Variants in FAT2 observed in about 807,000 individuals in gnomAD.
FAT2 encodes FAT atypical cadherin 2.
In FAT2, 150 loss-of-function variants were observed where a neutral mutation model predicts 295.3. The observed-to-expected ratio is 0.51, with a 90% CI of 0.44 to 0.58. FAT2 has a LOEUF of 0.58. Ranked by LOEUF, FAT2 falls within the 20% of genes least tolerant of loss-of-function variation. The pLI is 0.00. For synonymous variants in FAT2, 2,026 were observed against 2,150.3 expected (o/e 0.94, Z 1.60); for missense variants, 4,868 against 5,442.7 (o/e 0.89, Z 3.32).
chr5:151,583,068 G>T (rs549274053), intron 1 of FAT2, among the ~76,000 whole-genome samples: 51 of 152,230 alleles, frequency 3.4e-4, no homozygotes, highest in African/African-American at 1.2e-3. Flanking sequence ...TCTTCCTGAG[G>T]TCTTTCTATC....
intron 1 of FAT2, among the ~76,000 whole-genome samples, chr5:151,585,859 G>T (rs1286742517): frequency 2.0e-5 from 3 of 152,170 alleles, no homozygotes; most frequent in Non-Finnish European, 4.4e-5. Flanking sequence ...CTCTTAGCTT[G>T]TGCCGACTAT....
chr5:151,517,869 G>T, intron 19 of FAT2, 104 bp from the exon 20 acceptor site: 1 of 1,392,492 alleles, frequency 7.2e-7, no homozygotes, highest in Non-Finnish European at 9.9e-7. Context: ...CAGAATCATT[G>T]CTCATATTTT....
intron 1 of FAT2, among the ~76,000 whole-genome samples, chr5:151,574,565 G>A (rs779095677): frequency 6.6e-6 from 1 of 152,148 alleles, no homozygotes; most frequent in Non-Finnish European, 1.5e-5. Context: ...TTAGTAGTAG[G>A]GAGTGATTGA....
chr5:151,508,093 A>T (rs1761037998), intron 22 of FAT2, among the ~76,000 whole-genome samples: 2 of 152,298 alleles, frequency 1.3e-5, no homozygotes, highest in South Asian at 4.1e-4. Context: ...ACTTGCTCAG[A>T]GAAAGCATGC....
At position 151,507,623 on chromosome 5, in the gene FAT2, G is replaced by GAGT. The variant is rs1554122170; in HGVS notation, c.12060-15_12060-13dup. 1.3e-6 allele frequency: 2 copies of GAGT among 1,589,870 alleles called. No individual in the cohort carries two copies. Among genetic ancestry groups the GAGT allele is most frequent in the Admixed American group, 3.4e-5 (2 of 58,006 alleles). ...CCTCCATTTCACACCTGCGGAGACAGAGTAGTCAGGGGGCCAAGTCATGAA... is the reference window on the plus strand; with the variant it reads ...CCTCCATTTCACACCTGCGGAGACAGAGTAGTAGTCAGGGGGCCAAGTCATGAA... On this transcript the variant is annotated splice_polypyrimidine_tract_variant and intron_variant, in intron 22 of 23. Coordinates refer to ENST00000261800, the MANE Select transcript of FAT2 (RefSeq NM_001447.3).
At chr5:151,540,174 G>C (rs767770446) in intron 11 of FAT2, among the ~76,000 whole-genome samples, 2 of 152,326 alleles carry the variant, frequency 1.3e-5, no homozygotes, top group Middle Eastern at 3.4e-3. Flanking sequence ...GGGAATGTAG[G>C]GGGAGAGATG....
intron 17 of FAT2, among the ~76,000 whole-genome samples, chr5:151,526,472 C>T (rs1400596534): frequency 6.6e-6 from 1 of 152,142 alleles, no homozygotes; most frequent in Non-Finnish European, 1.5e-5. Context: ...TCATTTTAGC[C>T]TTTGTTGTAT....
intron 4 of FAT2, 57 bp from the exon 5 acceptor site, chr5:151,554,730 G>A (rs2127632107): frequency 7.5e-7 from 1 of 1,337,692 alleles, no homozygotes; most frequent in Non-Finnish European, 1.0e-6. Context: ...TAGTGACTAT[G>A]CTTTAACAAC....
Position 151,542,622 on chromosome 5 carries a change from C to T in FAT2, c.8505G>A (p.Arg2835=), listed in dbSNP as rs1429269138. Residue 2835 remains arginine, a synonymous_variant, in exon 10 of 24, where the codon AGG becomes AGA. Transcript: ENST00000261800. ...DTGRDGQVSY[R]LSADPGSNVH... ...CATTGCTACCAGGGTCTGCAGACAG[C>T]CTGTAGCTCACCTGGCCATCTCTCC... is the stretch of plus-strand genomic sequence containing the variant. 3 of 1,614,196 alleles carry T rather than the reference C, an allele frequency of 1.9e-6. No homozygotes were observed. The highest frequency in any genetic ancestry group is 2.5e-6 in the Non-Finnish European group (3 of 1,180,030).
intron 9 of FAT2, 109 bp downstream of exon 9, chr5:151,549,186 G>T: frequency 1.0e-6 from 1 of 998,430 alleles, no homozygotes; most frequent in Non-Finnish European, 1.5e-6. Flanking sequence ...GTTTGCCAAG[G>T]CTTAATGAGC....
At chr5:151,587,563 A>G (rs997201675) in intron 1 of FAT2, among the ~76,000 whole-genome samples, 1 of 152,102 alleles carries the variant, frequency 6.6e-6, no homozygotes, top group African/African-American at 2.4e-5. Context: ...AACTCCTCCA[A>G]GAGCTTCATT....
intron 1 of FAT2, among the ~76,000 whole-genome samples, chr5:151,573,241 A>T (rs1758606474): frequency 6.6e-6 from 1 of 152,222 alleles, no homozygotes; most frequent in Non-Finnish European, 1.5e-5. Flanking sequence ...TCAAGAATGA[A>T]AGTTAGTTAA....
intron 2 of FAT2, 26 bp downstream of exon 2, chr5:151,565,647 A>AGCGCCCCCC: frequency 6.8e-7 from 1 of 1,461,028 alleles, no homozygotes; most frequent in Non-Finnish European, 9.3e-7. Flanking sequence ...TGGCCCTGGC[A>AGCGCCCCCC]CCCCACCCTA....
At chr5:151,587,694 A>G (rs1289374685) in intron 1 of FAT2, among the ~76,000 whole-genome samples, 7 of 152,192 alleles carry the variant, frequency 4.6e-5, no homozygotes, top group Admixed American at 2.6e-4. Context: ...GCCTCTATCA[A>G]CTGTGAGTCT....
chr5:151,572,852 C>T (rs2127654020), intron 1 of FAT2, among the ~76,000 whole-genome samples: 1 of 152,346 alleles, frequency 6.6e-6, no homozygotes, highest in East Asian at 1.9e-4. Context: ...AGCTTGCTGG[C>T]CTAGCCACAG....
chr5:151,508,331 T>A (rs1156968811), intron 22 of FAT2, among the ~76,000 whole-genome samples: 1 of 152,232 alleles, frequency 6.6e-6, no homozygotes, highest in East Asian at 1.9e-4. Context: ...CACTTTCAGC[T>A]GTGAAATGTC....
upstream of FAT2, among the ~76,000 whole-genome samples, chr5:151,591,614 A>T (rs1759409896): frequency 6.7e-6 from 1 of 148,226 alleles, no homozygotes; most frequent in African/African-American, 2.5e-5. Flanking sequence ...GGAACTAGAA[A>T]AGGTCACTTG....
At chr5:151,586,870 G>GT (rs1759191721) in intron 1 of FAT2, among the ~76,000 whole-genome samples, 1 of 152,224 alleles carries the variant, frequency 6.6e-6, no homozygotes, top group South Asian at 2.1e-4. Context: ...GCTGGGCGCA[G>GT]TGGCCCACGC....
rs763267937 is a variant in FAT2 at position 151,521,875 on chromosome 5, G to A, written c.10718C>T (p.Thr3573Ile). ...ACCCACTGAGAAGTGCCTGCCCAGGGTCTCCTCTTCTGCCAGGCTATAGGT... is the reference window on the plus strand; with the variant it reads ...ACCCACTGAGAAGTGCCTGCCCAGGATCTCCTCTTCTGCCAGGCTATAGGT... ...TLTYSLAEEETLGRHFSVGAP... is the reference protein window; with the variant it reads ...TLTYSLAEEEILGRHFSVGAP... The change falls in exon 19 of 24, where the codon ACC becomes ATC. Residue 3573 changes from threonine to isoleucine, a missense_variant. Physicochemically the swap from Thr to Ile is moderately conservative, Grantham distance 89. Transcript: ENST00000261800. The A allele has an allele frequency of 6.2e-7, 1 of 1,614,154 alleles. No individual in the cohort carries two copies. The highest frequency in any genetic ancestry group is 1.7e-5 in the Admixed American group (1 of 60,034).
Sources: allele counts gnomAD v4.1 joint callset (sites outside exome capture counted in the v4.1 genomes callset), GRCh38; gene constraint gnomAD v4.1.1; transcripts MANE v1.5; gene names NCBI Gene and HGNC (gene_info 2026-07-23, HGNC 2026-07-21).